TIMD4: variants seen among roughly 807,000 people sequenced by gnomAD.
TIMD4 encodes T cell immunoglobulin and mucin domain containing 4, also known as T-cell immunoglobulin and mucin domain-containing protein 4.
Under a neutral mutation model 41.2 loss-of-function variants are expected in TIMD4, and 31 were observed. The observed-to-expected ratio is 0.75, with a 90% CI of 0.57 to 1.01. TIMD4 has a LOEUF of 1.01. TIMD4 is among the 50% of genes least tolerant of loss of function. The probability of loss-of-function intolerance (pLI) is 0.00; values close to 1 mark genes in which losing one functional copy is unlikely to be tolerated. For missense variants in TIMD4, 479 were observed against 472.5 expected (o/e 1.01, Z -0.13); for synonymous variants, 204 against 177.1 (o/e 1.15, Z -1.21).
chr5:156,956,193 C>A (rs1416208790), intron 1 of TIMD4, among the ~76,000 whole-genome samples: 5 of 151,182 alleles, frequency 3.3e-5, no homozygotes, highest in Admixed American at 3.3e-4. Flanking sequence ...ATGGGATTAA[C>A]TTTTTTAGAT....
intron 6 of TIMD4, chr5:156,924,312 C>A: frequency 2.9e-6 from 1 of 342,408 alleles, no homozygotes; most frequent in Non-Finnish European, 5.9e-6. Context: ...AAGCATCTCT[C>A]AGCTTTGACA....
intron 1 of TIMD4, among the ~76,000 whole-genome samples, chr5:156,955,072 G>C (rs1203086683): frequency 6.6e-6 from 1 of 151,988 alleles, no homozygotes; most frequent in Non-Finnish European, 1.5e-5. Context: ...TACAGACAGG[G>C]TTTCCCATGT....
chr5:156,921,814 A>G (rs1581605409), intron 7 of TIMD4, among the ~76,000 whole-genome samples: 1 of 152,252 alleles, frequency 6.6e-6, no homozygotes, highest in East Asian at 1.9e-4. Context: ...AGGCACATCA[A>G]GAGTATACCA....
chr5:156,957,644 A>G (rs1028845136), intron 1 of TIMD4, among the ~76,000 whole-genome samples: 4 of 152,128 alleles, frequency 2.6e-5, no homozygotes, highest in African/African-American at 7.2e-5. Context: ...CATAGAACAC[A>G]TGCACCTAAA....
At chr5:156,932,268 T>C (rs1360029924) in intron 5 of TIMD4, among the ~76,000 whole-genome samples, 1 of 152,224 alleles carries the variant, frequency 6.6e-6, no homozygotes, top group Non-Finnish European at 1.5e-5. Context: ...GTATCATGTG[T>C]TCATCACTGG....
At chr5:156,946,848 C>T (rs980546621) in intron 5 of TIMD4, among the ~76,000 whole-genome samples, 5 of 151,894 alleles carry the variant, frequency 3.3e-5, no homozygotes, top group African/African-American at 4.8e-5. Context: ...ATGCCTGTTT[C>T]CTGGCTAATA....
chr5:156,921,822 C>T (rs1759247427), intron 7 of TIMD4, among the ~76,000 whole-genome samples: 1 of 152,108 alleles, frequency 6.6e-6, no homozygotes, highest in South Asian at 2.1e-4. Context: ...CAAGAGTATA[C>T]CATCAGGACT....
At chr5:156,930,386 G>C (rs1759425282) in intron 5 of TIMD4, among the ~76,000 whole-genome samples, 1 of 152,228 alleles carries the variant, frequency 6.6e-6, no homozygotes, top group Non-Finnish European at 1.5e-5. Context: ...GGTAGTTGTG[G>C]AGCTGGGATT....
intron 5 of TIMD4, among the ~76,000 whole-genome samples, chr5:156,946,467 C>T (rs1055018862): frequency 2.0e-5 from 3 of 152,030 alleles, no homozygotes; most frequent in African/African-American, 7.2e-5. Context: ...TTTCCTCCAA[C>T]TCTGAGCTTT....
At chr5:156,936,542 G>C (rs1235025133) in intron 5 of TIMD4, among the ~76,000 whole-genome samples, 4 of 152,146 alleles carry the variant, frequency 2.6e-5, no homozygotes, top group Non-Finnish European at 5.9e-5. Flanking sequence ...AAATCTTGGA[G>C]CCAGGATCAT....
At chr5:156,958,101 G>A (rs1370761831) in intron 1 of TIMD4, among the ~76,000 whole-genome samples, 6 of 151,778 alleles carry the variant, frequency 4.0e-5, no homozygotes, top group African/African-American at 4.8e-5. Context: ...GTGAAAGCCC[G>A]TATCTACTAA....
At chr5:156,922,381 A>C (rs191313682) in intron 6 of TIMD4, among the ~76,000 whole-genome samples, 165 bp from the exon 7 acceptor site, 362 of 152,308 alleles carry the variant, frequency 2.4e-3, no homozygotes, top group Non-Finnish European at 3.4e-3. Context: ...CCCATATCCC[A>C]AAATTTTCCG....
At chr5:156,924,144 T>C (rs1161207346) in intron 6 of TIMD4, 4 of 378,280 alleles carry the variant, frequency 1.1e-5, no homozygotes, top group South Asian at 2.3e-5. Context: ...TAGAGGTCCA[T>C]GGGGCTGACC....
chr5:156,936,418 C>T (rs1377879555), intron 5 of TIMD4, among the ~76,000 whole-genome samples: 1 of 152,160 alleles, frequency 6.6e-6, no homozygotes, highest in East Asian at 1.9e-4. Flanking sequence ...TTAGTTAATT[C>T]TCAGAAAATG....
chr5:156,958,782 G>A (rs1216054320), intron 1 of TIMD4, among the ~76,000 whole-genome samples: 1 of 152,196 alleles, frequency 6.6e-6, no homozygotes, highest in Non-Finnish European at 1.5e-5. Context: ...ATATGTGAAT[G>A]AAATGGACAA....
rs572403695 is a variant in TIMD4 at position 156,940,715 on chromosome 5, G to T, written c.844+7701C>A. Among the ~76,000 whole-genome samples the T allele has an allele frequency of 3.6e-4, 55 of 151,516 alleles. 1 individual carries two copies. The East Asian group carries it at 0.01, about 28-fold the overall frequency. Reference sequence around the variant, plus strand: ...TGAGAAGTGAGGAGCCCCTCCGCCCGGCAGCCGCCCCGTCTGGGAAGTGAG... The same window carrying T: ...TGAGAAGTGAGGAGCCCCTCCGCCCTGCAGCCGCCCCGTCTGGGAAGTGAG... On this transcript the variant is annotated intron_variant, in intron 5 of 8. Transcript: ENST00000274532.
intron 6 of TIMD4, chr5:156,924,098 A>G (rs1182266005): frequency 2.1e-5 from 5 of 233,400 alleles, no homozygotes; most frequent in Non-Finnish European, 4.2e-5. Context: ...AGACCTTGTG[A>G]AAGTCCCCAC....
chr5:156,923,182 T>G (rs1051087789), intron 6 of TIMD4, among the ~76,000 whole-genome samples: 4 of 144,258 alleles, frequency 2.8e-5, no homozygotes, highest in African/African-American at 1.0e-4. Flanking sequence ...AGAGTCTCAC[T>G]CTGTCAGCCA....
At chr5:156,946,123 T>C (rs886576022) in intron 5 of TIMD4, among the ~76,000 whole-genome samples, 16 of 152,216 alleles carry the variant, frequency 1.1e-4, no homozygotes, top group Non-Finnish European at 2.1e-4. Context: ...TCTTATTCCC[T>C]TGTAATTCAA....
Sources: gnomAD v4.1 joint callset for allele counts (sites outside exome capture counted in the v4.1 genomes callset) on GRCh38, gnomAD v4.1.1 for gene constraint, MANE v1.5 for transcripts, NCBI Gene and HGNC (gene_info 2026-07-23, HGNC 2026-07-21) for gene names.